Variants in LAMP3 observed in about 807,000 individuals in gnomAD.
LAMP3 encodes lysosome associated membrane protein 3.
In LAMP3, 26 loss-of-function variants were observed where a neutral mutation model predicts 34.8. The ratio of observed to expected loss-of-function variants is 0.75; its 90% CI spans 0.55 to 1.04. The LOEUF (loss-of-function observed/expected upper bound fraction) is 1.04, where lower values mean the gene tolerates loss of function less well. Among genes scored for constraint, LAMP3 ranks in the 50% least tolerant of loss-of-function variants. The pLI is 0.00. For missense variants in LAMP3, 495 were observed against 524.0 expected (o/e 0.94, Z 0.54); for synonymous variants, 180 against 201.9 (o/e 0.89, Z 0.92).
At chr3:183,155,698 ATTTG>A (rs1720802768) in intron 1 of LAMP3, among the ~76,000 whole-genome samples, 1 of 152,182 alleles carries the variant, frequency 6.6e-6, no homozygotes, top group Non-Finnish European at 1.5e-5. Flanking sequence ...TTATTGGTTT[ATTTG>A]TTGGTTGTGG....
chr3:183,150,481 GTGGGTC>G (rs966002204), intron 3 of LAMP3, among the ~76,000 whole-genome samples: 9 of 152,030 alleles, frequency 5.9e-5, no homozygotes, highest in African/African-American at 9.7e-5. Context: ...GCAGTGGGCA[GTGGGTC>G]TGGGTCTGGG....
At position 183,140,618 on chromosome 3, in the gene LAMP3, C is replaced by T. The variant is rs369760907; in HGVS notation, c.889-23G>A. 103 of 1,481,192 alleles carry T rather than the reference C, an allele frequency of 7.0e-5. No individual in the cohort carries two copies. The African/African-American group carries it at 1.2e-3, about 17-fold the overall frequency. 91.8% of individuals were successfully genotyped at this position (1,481,192 alleles called of 1,614,324 possible). A position where few individuals can be genotyped will look rare whatever the true frequency, so the allele number is the denominator to read the frequency against. On this transcript the variant is annotated intron_variant, in intron 3 of 5. Coordinates refer to ENST00000265598, the MANE Select transcript of LAMP3 (RefSeq NM_014398.4). ...ATCCTGTAAAACAGTAGGGTGTTAA[C>T]CTTTGGGTTATCTCTACTCATATGT...
intron 3 of LAMP3, among the ~76,000 whole-genome samples, chr3:183,146,522 A>ATTTTTT (rs1192142107): frequency 7.7e-6 from 1 of 130,096 alleles, no homozygotes. Context: ...TGGTGCTCAA[A>ATTTTTT]TTTTTTTTTT....
chr3:183,149,574 A>AAAAAAATAT (rs1720561533), intron 3 of LAMP3, among the ~76,000 whole-genome samples: 1 of 32,632 alleles, frequency 3.1e-5, no homozygotes, highest in Non-Finnish European at 5.1e-5. Context: ...AAAAAAAAAA[A>AAAAAAATAT]ATATATATAT....
chr3:183,141,782 C>T (rs376156061), intron 3 of LAMP3, among the ~76,000 whole-genome samples: 1 of 152,186 alleles, frequency 6.6e-6, no homozygotes, highest in Non-Finnish European at 1.5e-5. Flanking sequence ...CTTCTTACCC[C>T]GTGTTAGGCA....
intron 3 of LAMP3, among the ~76,000 whole-genome samples, chr3:183,144,931 C>A (rs1331933135): frequency 1.3e-5 from 2 of 152,092 alleles, no homozygotes; most frequent in Admixed American, 6.6e-5. Context: ...TCTGGGGAAA[C>A]AACAGGTGGG....
At chr3:183,125,473 A>G (rs1719759032) in intron 5 of LAMP3, among the ~76,000 whole-genome samples, 1 of 152,234 alleles carries the variant, frequency 6.6e-6, no homozygotes, top group South Asian at 2.1e-4. Flanking sequence ...TTATAAAACT[A>G]TAATAATGTG....
intron 3 of LAMP3, 95 bp from the exon 4 acceptor site, chr3:183,140,690 T>A: frequency 1.2e-6 from 1 of 837,596 alleles, no homozygotes; most frequent in South Asian, 1.5e-5. Flanking sequence ...AGCTATTAAA[T>A]CTGGATATAA....
intron 5 of LAMP3, among the ~76,000 whole-genome samples, chr3:183,135,255 T>G (rs1720047181): frequency 6.6e-6 from 1 of 152,018 alleles, no homozygotes; most frequent in African/African-American, 2.4e-5. Flanking sequence ...GATGAGGGGG[T>G]CCAACAGAGT....
chr3:183,134,191 G>A, intron 5 of LAMP3, among the ~76,000 whole-genome samples: 1 of 152,126 alleles, frequency 6.6e-6, no homozygotes, highest in East Asian at 1.9e-4. Context: ...GAGAACAAGG[G>A]GAACATTTTG....
At chr3:183,162,758 T>C, upstream of LAMP3, 1 of 1,125,986 alleles carries the variant, frequency 8.9e-7, no homozygotes, top group South Asian at 1.6e-5. Context: ...AACCACCTGC[T>C]TATGAGAAGC....
At chr3:183,156,061 A>G (rs1720813331) in intron 1 of LAMP3, among the ~76,000 whole-genome samples, 1 of 152,152 alleles carries the variant, frequency 6.6e-6, no homozygotes, top group Non-Finnish European at 1.5e-5. Flanking sequence ...AGAAAAGTGG[A>G]CAAAACACAG....
At chr3:183,160,123 G>C (rs1720934656) in intron 1 of LAMP3, among the ~76,000 whole-genome samples, 1 of 152,178 alleles carries the variant, frequency 6.6e-6, no homozygotes, top group South Asian at 2.1e-4. Context: ...TTAATCTACT[G>C]TTATTTTGGC....
rs116658771 is a variant in LAMP3 at position 183,158,711 on chromosome 3, G to C, written c.49+3896C>G. Among the ~76,000 whole-genome samples, 787 of 152,246 alleles carry C rather than the reference G, an allele frequency of 5.2e-3. 10 individuals are homozygous for C. Among genetic ancestry groups the C allele is most frequent in the African/African-American group, 0.018 (730 of 41,526 alleles). On this transcript the variant is annotated intron_variant, in intron 1 of 5. Transcript: ENST00000265598. ...TTTCTAGGTATTTTCCTGACAGCCA[G>C]TCCCTTCCCAGACAGCCTTTGGTTG...
At chr3:183,162,815 C>T, upstream of LAMP3, 1 of 644,726 alleles carries the variant, frequency 1.6e-6, no homozygotes, top group South Asian at 2.0e-5. Context: ...GGAAACTCCG[C>T]CGGCCCCCTC....
intron 5 of LAMP3, 88 bp from the exon 6 acceptor site, chr3:183,124,302 G>T: frequency 8.2e-7 from 1 of 1,218,018 alleles, no homozygotes; most frequent in Non-Finnish European, 1.1e-6. Context: ...GATGAGCTTT[G>T]GCATCAAACA....
Position 183,135,799 on chromosome 3 carries a change from G to T in LAMP3, c.1035C>A (p.Leu345=), listed in dbSNP as rs371651310. Residue 345 remains leucine (L), a synonymous_variant, in exon 5 of 6, where the codon CTC becomes CTA. Coordinates refer to ENST00000265598, the MANE Select transcript of LAMP3 (RefSeq NM_014398.4). ...TCACCTGCAGGTGGGCTGACAACTG[G>T]AGGCTCTGTTCACTCACGCACTTGA... ...HSFKCVSEQS[L]QLSAHLQVKT... is the part of the protein sequence containing the mutation. The T allele has an allele frequency of 8.2e-5, 132 of 1,614,118 alleles. 1 individual carries two copies. The South Asian group carries it at 1.4e-3, about 17-fold the overall frequency.
At chr3:183,124,240 A>T (rs775802754) in intron 5 of LAMP3, 26 bp from the exon 6 acceptor site, 1 of 1,525,892 alleles carries the variant, frequency 6.6e-7, no homozygotes, top group East Asian at 2.4e-5. Flanking sequence ...AATACAATAC[A>T]GTGGGTAAGG....
At position 183,153,779 on chromosome 3, in the gene LAMP3, G is replaced by A. The variant is rs772205737; in HGVS notation, c.662C>T (p.Ser221Leu). The change falls in exon 2 of 6, where the codon TCG becomes TTG. Residue 221 changes from serine to leucine, a missense_variant. Transcript: ENST00000265598. Reference protein sequence around the residue: ...VPGPTLAPQPSSVKTGIYQVL... With the variant: ...VPGPTLAPQPLSVKTGIYQVL... ...CTGATAAATTCCAGTCTTGACTGAC[G>A]ATGGCTGAGGTGCAAGGGTGGGCCC... is the stretch of plus-strand genomic sequence containing the variant. The A allele has an allele frequency of 9.5e-6, 15 of 1,575,568 alleles. No homozygotes were observed. The highest frequency in any genetic ancestry group is 9.0e-5 in the Admixed American group (5 of 55,710).
Sources: gnomAD v4.1 joint callset for allele counts (sites outside exome capture counted in the v4.1 genomes callset) on GRCh38, gnomAD v4.1.1 for gene constraint, MANE v1.5 for transcripts, NCBI Gene and HGNC (gene_info 2026-07-23, HGNC 2026-07-21) for gene names.